Variants in RHOBTB3 observed in about 807,000 individuals in gnomAD.
RHOBTB3 encodes the protein rho-related BTB domain-containing protein 3.
In RHOBTB3, 47 loss-of-function variants were observed where a neutral mutation model predicts 67.2. The observed-to-expected ratio is 0.70, with a 90% CI of 0.55 to 0.89. RHOBTB3 has a LOEUF of 0.89. Ranked by LOEUF, RHOBTB3 falls within the 40% of genes least tolerant of loss-of-function variation. The probability of loss-of-function intolerance (pLI) is 0.00; values close to 1 mark genes in which losing one functional copy is unlikely to be tolerated. For missense variants in RHOBTB3, 631 were observed against 750.0 expected, an observed-to-expected ratio of 0.84 and a Z score of 1.85; for synonymous variants, 273 against 274.2, an observed-to-expected ratio of 1.00 and a Z score of 0.04.
rs1267057561 is a variant in RHOBTB3 at position 95,780,397 on chromosome 5, A to C, written c.1428A>C (p.Glu476Asp). ...AAGAGACTTTCTTGTCATTTTTAGA[A>C]TACCTGTACACAGACTCCTGCTGCC... ...VSKETFLSFL[E>D]YLYTDSCCPA... is the part of the protein sequence containing the mutation. Residue 476 changes from glutamate (E) to aspartate (D), a missense_variant, in exon 9 of 12, where the codon GAA becomes GAC. Physicochemically the swap from Glu to Asp is conservative, Grantham distance 45 (BLOSUM62 2). Coordinates refer to ENST00000379982, the MANE Select transcript of RHOBTB3 (RefSeq NM_014899.4). 2.5e-6 allele frequency: 4 copies of C among 1,614,026 alleles called. No individual in the cohort carries two copies. Among genetic ancestry groups the C allele is most frequent in the Non-Finnish European group, 3.4e-6 (4 of 1,179,950 alleles).
rs1309040947 is a variant in RHOBTB3 at position 95,757,885 on chromosome 5, C to G, written c.1048+2124C>G. Among the ~76,000 whole-genome samples the G allele has an allele frequency of 2.0e-5, 3 of 152,206 alleles. No homozygotes were observed. The South Asian group carries it at 6.2e-4, about 32-fold the overall frequency. ...AACTATTTAAAGACTTCATTTAGTA[C>G]TATAGATTTTGACGTTTAAACTTAG... On this transcript the variant is annotated intron_variant, in intron 6 of 11. Transcript: ENST00000379982.
Position 95,793,200 on chromosome 5 carries a change from C to CT in RHOBTB3, c.*32dup, listed in dbSNP as rs760302751. ...CCTGGAGCTTTTATACACTACATTT[C>CT]TTTTTTATTATTATGAAGAATGGGA... On this transcript the variant is annotated 3_prime_UTR_variant, in exon 12 of 12. Coordinates refer to ENST00000379982, the MANE Select transcript of RHOBTB3 (RefSeq NM_014899.4). The CT allele has an allele frequency of 1.4e-6, 2 of 1,425,690 alleles. No individual in the cohort carries two copies. Among genetic ancestry groups the CT allele is most frequent in the African/African-American group, 1.4e-5 (1 of 69,682 alleles). The allele number at this position is 1,425,690 out of a possible 1,614,324, so 88.3% of individuals were successfully genotyped here.
intron 6 of RHOBTB3, among the ~76,000 whole-genome samples, chr5:95,760,658 A>G (rs1263111996): frequency 6.6e-6 from 1 of 152,238 alleles, no homozygotes; most frequent in East Asian, 1.9e-4. Flanking sequence ...TGCTTTAAGA[A>G]GTTAACTAAA....
intron 1 of RHOBTB3, among the ~76,000 whole-genome samples, chr5:95,724,062 T>C (rs1754977465): frequency 6.6e-6 from 1 of 152,216 alleles, no homozygotes; most frequent in Non-Finnish European, 1.5e-5. Context: ...TATGAAATTT[T>C]CCTCTCAAAA....
rs189847124 is a variant in RHOBTB3, at chr5:95,723,562, T to G, written n.133+5797T>G. On this transcript the variant is annotated intron_variant and non_coding_transcript_variant, in intron 1 of 5. Transcript: ENST00000504949. ...TTGTTTTTTGTTTGTTTGTTTGTTT[T>G]TTTAAAAAGCTAATCTTGAATTTTA... 1.7e-3 allele frequency among the ~76,000 whole-genome samples: 255 copies of G among 152,326 alleles called. 4 individuals carry two copies. The highest frequency in any genetic ancestry group is 0.014 in the Middle Eastern group (4 of 294).
upstream of RHOBTB3, among the ~76,000 whole-genome samples, chr5:95,729,626 C>T (rs1755162667): frequency 6.6e-6 from 1 of 152,160 alleles, no homozygotes; most frequent in Admixed American, 6.5e-5. Context: ...ATCTCTGTAA[C>T]TTTTTCTTCC....
chr5:95,771,679 A>G (rs919652984), intron 8 of RHOBTB3, among the ~76,000 whole-genome samples: 1 of 152,250 alleles, frequency 6.6e-6, no homozygotes, highest in Non-Finnish European at 1.5e-5. Context: ...GACAACTTTC[A>G]TAAATTACTC....
In RHOBTB3 at chr5:95,731,632, G is replaced by C; in HGVS notation, c.-51G>C. 1 of 1,611,170 alleles carries C rather than the reference G, an allele frequency of 6.2e-7. No homozygotes were observed. The highest frequency in any genetic ancestry group is 8.5e-7 in the Non-Finnish European group (1 of 1,179,002). ...CGCCGCCCGGGGGCCCCGCGAAGCC[G>C]TGAGCCGCTGCTTTTCTCCGAGTCG... On this transcript the variant is annotated 5_prime_UTR_variant, in exon 1 of 12. Transcript: ENST00000379982.
At chr5:95,743,867 C>T (rs949880812) in intron 3 of RHOBTB3, among the ~76,000 whole-genome samples, 2 of 151,896 alleles carry the variant, frequency 1.3e-5, no homozygotes, top group African/African-American at 4.8e-5. Flanking sequence ...AACCACCATG[C>T]CTGGGTAATT....
At chr5:95,727,129 A>C (rs941291488), upstream of RHOBTB3, among the ~76,000 whole-genome samples, 1 of 152,206 alleles carries the variant, frequency 6.6e-6, no homozygotes, top group Admixed American at 6.5e-5. Flanking sequence ...ATGAAAATGA[A>C]TATGAAACTT....
chr5:95,788,651 C>T, intron 10 of RHOBTB3, 111 bp from the exon 11 acceptor site: 1 of 681,540 alleles, frequency 1.5e-6, no homozygotes, highest in Non-Finnish European at 2.5e-6. Context: ...GGTAAAGGCA[C>T]ATTAAACATG....
rs1001936783 is a variant in RHOBTB3, at chr5:95,756,493, C to T, written c.1048+732C>T. ...TAGTGTACAAATATCTCTTTTGAGA[C>T]TCTGCTTTTATTTTATTTTTTGCAT... On this transcript the variant is annotated intron_variant, in intron 6 of 11. Coordinates refer to ENST00000379982, the MANE Select transcript of RHOBTB3 (RefSeq NM_014899.4). Among the ~76,000 whole-genome samples, 3 of 152,256 alleles carry T rather than the reference C, an allele frequency of 2.0e-5. No individual in the cohort carries two copies. In the East Asian group the frequency reaches 5.8e-4, roughly 29 times the overall value.
At chr5:95,732,296 A>G (rs1192234986) in intron 2 of RHOBTB3, 2 of 612,834 alleles carry the variant, frequency 3.3e-6, no homozygotes, top group Non-Finnish European at 5.8e-6. Context: ...AGAAGGCCCC[A>G]GTGGGAATGT....
chr5:95,775,497 A>G (rs541837480), intron 8 of RHOBTB3, among the ~76,000 whole-genome samples: 52 of 151,190 alleles, frequency 3.4e-4, no homozygotes, highest in Non-Finnish European at 5.5e-4. Flanking sequence ...AAATATTCCA[A>G]AATCTAAAAA....
intron 3 of RHOBTB3, among the ~76,000 whole-genome samples, chr5:95,744,730 C>G (rs1755704036): frequency 6.6e-6 from 1 of 152,114 alleles, no homozygotes. Flanking sequence ...TGGTAATTCC[C>G]TTGGAACTCT....
rs1480921421 is a variant in RHOBTB3 at position 95,794,815 on chromosome 5, A to T, written c.*1641A>T. 6.6e-6 allele frequency: 1 copy of T among 152,142 alleles called. No homozygotes were observed. Among genetic ancestry groups the T allele is most frequent in the Non-Finnish European group, 1.5e-5 (1 of 68,030 alleles). The allele number at this position is 152,142 out of a possible 1,614,324, so 9.4% of individuals were successfully genotyped here. On this transcript the variant is annotated 3_prime_UTR_variant, in exon 12 of 12. Coordinates refer to ENST00000379982, the MANE Select transcript of RHOBTB3 (RefSeq NM_014899.4). The stretch of plus-strand genomic sequence containing the variant: ...TGTATACCAACACTGCCAAAGTAAA[A>T]CATTAGGTCAGGCATGGTGGCTCAG...
intron 3 of RHOBTB3, among the ~76,000 whole-genome samples, chr5:95,741,049 C>T (rs974447174): frequency 6.6e-6 from 1 of 152,084 alleles, no homozygotes; most frequent in Admixed American, 6.6e-5. Flanking sequence ...TATAATCTGG[C>T]CAGGCGCAGT....
chr5:95,740,513 T>G (rs1429639493), intron 3 of RHOBTB3, among the ~76,000 whole-genome samples: 1 of 152,176 alleles, frequency 6.6e-6, no homozygotes, highest in Admixed American at 6.5e-5. Flanking sequence ...GAGACAATAG[T>G]CTTGACTAAA....
Position 95,752,277 on chromosome 5 carries a change from A to G in RHOBTB3, c.609A>G (p.Thr203=). Residue 203 remains threonine (T), a synonymous_variant, in exon 5 of 12, where the codon ACA becomes ACG. Coordinates refer to ENST00000379982, the MANE Select transcript of RHOBTB3 (RefSeq NM_014899.4). The stretch of plus-strand genomic sequence containing the variant: ...TGATTCAAGCCTTAAATCAGAAGAC[A>G]AGTGAAAAAATGAAGAAAAGAAAAA... ...YFMIQALNQK[T]SEKMKKRKMS... is the part of the protein sequence containing the mutation. 1.9e-6 allele frequency: 3 copies of G among 1,604,220 alleles called. No homozygotes were observed. In the South Asian group the frequency reaches 3.4e-5, roughly 18 times the overall value.
Sources: allele counts gnomAD v4.1 joint callset (sites outside exome capture counted in the v4.1 genomes callset), GRCh38; gene constraint gnomAD v4.1.1; transcripts MANE v1.5; gene names NCBI Gene and HGNC (gene_info 2026-07-23, HGNC 2026-07-21).